The following FCAR variants were observed in gnomAD, a reference collection of about 807,000 sequenced individuals.
FCAR encodes Fc alpha receptor.
Under a neutral mutation model 27.1 loss-of-function variants are expected in FCAR, and 21 were observed. The observed-to-expected ratio is 0.77, with a 90% CI of 0.55 to 1.11. FCAR has a LOEUF of 1.11. Among genes scored for constraint, FCAR ranks in the 50% most tolerant of loss-of-function variants. FCAR has a pLI of 0.00. For synonymous variants in FCAR, 134 were observed against 135.8 expected (o/e 0.99, Z 0.09); for missense variants, 404 against 358.4 (o/e 1.13, Z -1.03).
Position 54,875,887 on chromosome 19 carries a change from A to T in FCAR, c.70+522A>T, listed in dbSNP as rs374719231. Among the ~76,000 whole-genome samples, 5 of 152,248 alleles carry T rather than the reference A, an allele frequency of 3.3e-5. No homozygotes were observed. In the East Asian group the frequency reaches 5.8e-4, roughly 18 times the overall value. ...ATGGGTGTGAGCCCCACGTCCATCC[A>T]TGTCTTCTCTCTTCCAGCTCCTTCT... On this transcript the variant is annotated intron_variant, in intron 2 of 4. Coordinates refer to ENST00000355524, the MANE Select transcript of FCAR (RefSeq NM_002000.4).
Position 54,885,516 on chromosome 19 carries a change from G to T in FCAR, c.352G>T (p.Val118Leu). Residue 118 changes from valine to leucine, a missense_variant, in exon 3 of 5, where the codon GTA becomes TTA. Val to Leu is a conservative substitution (Grantham distance 32). Transcript: ENST00000355524. Reference protein sequence around the residue: ...RFRYSDTLELVVTGLYGKPFL... With the variant: ...RFRYSDTLELLVTGLYGKPFL... ...CCGGTACAGTGACACCCTGGAGCTG[G>T]TAGTGACAGGTAAGGAAACATCCAG... is the stretch of plus-strand genomic sequence containing the variant. 1 of 1,609,410 alleles carries T rather than the reference G, an allele frequency of 6.2e-7. No homozygotes were observed. The highest frequency in any genetic ancestry group is 8.5e-7 in the Non-Finnish European group (1 of 1,175,768).
At chr19:54,878,547 T>A (rs1285772357) in intron 2 of FCAR, among the ~76,000 whole-genome samples, 1 of 151,288 alleles carries the variant, frequency 6.6e-6, no homozygotes, top group Non-Finnish European at 1.5e-5. Flanking sequence ...GCTCTTTTTT[T>A]AATTTTTTTT....
chr19:54,888,139 C>T lies in FCAR; in HGVS notation c.494C>T (p.Ser165Phe), dbSNP rs1235954857. 8.7e-6 allele frequency: 14 copies of T among 1,614,194 alleles called. No individual in the cohort carries two copies. The East Asian group carries it at 3.1e-4, about 36-fold the overall frequency. ...RFSLAKEGEL[S>F]LPQHQSGEHP... ...TCACTGGCCAAGGAGGGAGAACTTT[C>T]TCTGCCACAGCACCAAAGTGGGGAA... Residue 165 changes from serine to phenylalanine, a missense_variant, in exon 4 of 5, where the codon TCT (serine) becomes TTT (phenylalanine). Coordinates refer to ENST00000355524, the MANE Select transcript of FCAR (RefSeq NM_002000.4).
intron 2 of FCAR, among the ~76,000 whole-genome samples, chr19:54,881,240 G>T (rs1026057601): frequency 3.3e-5 from 5 of 152,190 alleles, no homozygotes; most frequent in Non-Finnish European, 7.3e-5. Flanking sequence ...GTGATGAGCA[G>T]GGGGGACAGG....
rs377578830 is a variant in FCAR at position 54,889,871 on chromosome 19, G to A, written c.*8G>A. ...CCAAGTGTCTGCAAGTAAACACCTG[G>A]AGGTGAAGGCAGAGAGGAGCCAGGA... On this transcript the variant is annotated 3_prime_UTR_variant, in exon 5 of 5. Transcript: ENST00000355524. 4 of 1,593,152 alleles carry A rather than the reference G, an allele frequency of 2.5e-6. No homozygotes were observed. The highest frequency in any genetic ancestry group is 2.2e-5 in the East Asian group (1 of 44,842).
At chr19:54,882,933 C>T (rs2066505040) in intron 2 of FCAR, among the ~76,000 whole-genome samples, 1 of 152,060 alleles carries the variant, frequency 6.6e-6, no homozygotes, top group Admixed American at 6.6e-5. Context: ...AAGTGTGATC[C>T]AGTAGGTGGC....
intron 2 of FCAR, among the ~76,000 whole-genome samples, chr19:54,880,406 C>T (rs1447788725): frequency 6.6e-6 from 1 of 152,228 alleles, no homozygotes; most frequent in East Asian, 1.9e-4. Context: ...CCATCAGATC[C>T]GTTTGGTTCT....
intron 4 of FCAR, 67 bp from the exon 5 acceptor site, chr19:54,889,582 G>A (rs73619923): frequency 1.2e-5 from 16 of 1,364,228 alleles, no homozygotes; most frequent in Non-Finnish European, 1.6e-5. Context: ...CCCGTTTCAG[G>A]GCTCTGGGGT....
At chr19:54,888,881 A>G in intron 4 of FCAR, 1 of 985,658 alleles carries the variant, frequency 1.0e-6, no homozygotes, top group Non-Finnish European at 1.2e-6. Flanking sequence ...TAGTGAATTC[A>G]CCAAGTGAGG....
In FCAR at chr19:54,888,297, A is replaced by T. The variant is rs1181377461; in HGVS notation, c.649+3A>T. 8.7e-6 allele frequency: 14 copies of T among 1,613,598 alleles called. No individual in the cohort carries two copies. Among genetic ancestry groups the T allele is most frequent in the African/African-American group, 1.3e-5 (1 of 75,056 alleles). On this transcript the variant is annotated splice_donor_region_variant and intron_variant, in intron 4 of 4. Transcript: ENST00000355524. ...TGCCTTGGAGCTTGTGGTCACAGGT[A>T]GGTACCGCCCAGTCCAGCCCTGTGT...
Position 54,875,366 on chromosome 19 carries a change from G to GTA in FCAR, c.70+2_70+3dup. On this transcript the variant is annotated splice_donor_variant, in intron 2 of 4. Transcript: ENST00000355524. LOFTEE classifies it high-confidence loss of function. The stretch of plus-strand genomic sequence containing the variant: ...GGCCAGAGGATTCAGGCACAGGAAG[G>GTA]TAAGTGTCCTGTAAATCTCTCCCAG... 6.2e-7 allele frequency: 1 copy of GTA among 1,613,098 alleles called. No homozygotes were observed.
chr19:54,887,654 T>C (rs1250365644), intron 3 of FCAR, among the ~76,000 whole-genome samples: 3 of 144,956 alleles, frequency 2.1e-5, no homozygotes, highest in Admixed American at 1.4e-4. Flanking sequence ...CAGTTGCTCA[T>C]GCCTGTAATC....
rs1181377461 is a variant in FCAR, at chr19:54,888,297, A to G, written c.649+3A>G. 1 of 1,613,598 alleles carries G rather than the reference A, an allele frequency of 6.2e-7. No homozygotes were observed. Among genetic ancestry groups the G allele is most frequent in the African/African-American group, 1.3e-5 (1 of 75,056 alleles). ...TGCCTTGGAGCTTGTGGTCACAGGT[A>G]GGTACCGCCCAGTCCAGCCCTGTGT... On this transcript the variant is annotated splice_donor_region_variant and intron_variant, in intron 4 of 4. Transcript: ENST00000355524.
At position 54,885,246 on chromosome 19, in the gene FCAR, ATGCCT is replaced by A. The variant is rs1167683845; in HGVS notation, c.84_88del (p.Met28IlefsTer25). 3.1e-6 allele frequency: 5 copies of A among 1,612,724 alleles called. No individual in the cohort carries two copies. Among genetic ancestry groups the A allele is most frequent in the Non-Finnish European group, 4.2e-6 (5 of 1,179,048 alleles). On this transcript the variant is annotated frameshift_variant, in exon 3 of 5. Coordinates refer to ENST00000355524, the MANE Select transcript of FCAR (RefSeq NM_002000.4). LOFTEE classifies it high-confidence loss of function. ...TTCTTTTCTTCCAGGGGACTTTCCC[ATGCCT>A]TTCATATCTGCCAAATCGAGTCCTG...
rs752881089 is a variant in FCAR at position 54,890,077 on chromosome 19, C to T, written c.*214C>T. 8.5e-4 allele frequency: 498 copies of T among 585,248 alleles called. 3 individuals carry two copies. Among genetic ancestry groups the T allele is most frequent in the Non-Finnish European group, 1.3e-3 (443 of 328,726 alleles). 36.3% of individuals were successfully genotyped at this position (585,248 alleles called of 1,614,324 possible). On this transcript the variant is annotated 3_prime_UTR_variant, in exon 5 of 5. Transcript: ENST00000355524. ...CAAGTGATTCTTGTGCCTCAGCCTC[C>T]CAAGTAGCTGGAATTACAGGCACAT... is the stretch of plus-strand genomic sequence containing the variant.
chr19:54,874,339 A>C lies in FCAR; in HGVS notation c.34+16A>C. ...CTGTGTCTTGGTGAGTTTCAGAGTA[A>C]AAGTGGGTTAGAGGGGAAGATAGAG... On this transcript the variant is annotated intron_variant, in intron 1 of 4. Transcript: ENST00000355524. The C allele has an allele frequency of 1.2e-6, 2 of 1,614,004 alleles. No individual in the cohort carries two copies. The highest frequency in any genetic ancestry group is 1.7e-6 in the Non-Finnish European group (2 of 1,179,840).
chr19:54,884,760 C>G (rs2066607565), intron 2 of FCAR, among the ~76,000 whole-genome samples: 1 of 151,754 alleles, frequency 6.6e-6, no homozygotes, highest in South Asian at 2.1e-4. Flanking sequence ...CAATCGTACT[C>G]CAAACCTCAG....
At chr19:54,888,337 C>A (rs950790554) in intron 4 of FCAR, 43 bp downstream of exon 4, 2 of 1,604,528 alleles carry the variant, frequency 1.2e-6, no homozygotes. Flanking sequence ...GTTGGCTGTC[C>A]AGGGCCTTGC....
chr19:54,889,619 A>G (rs1208097367), intron 4 of FCAR, 30 bp from the exon 5 acceptor site: 1 of 1,567,762 alleles, frequency 6.4e-7, no homozygotes, highest in Admixed American at 1.7e-5. Flanking sequence ...ACAACCACCA[A>G]CCATTCATCT....
Sources: gnomAD v4.1 joint callset for allele counts (sites outside exome capture counted in the v4.1 genomes callset) on GRCh38, gnomAD v4.1.1 for gene constraint, MANE v1.5 for transcripts, NCBI Gene and HGNC (gene_info 2026-07-23, HGNC 2026-07-21) for gene names.